VGLL4: variants seen among roughly 807,000 people sequenced by gnomAD.
VGLL4 encodes transcription cofactor vestigial-like protein 4.
In VGLL4, 7 loss-of-function variants were observed where a neutral mutation model predicts 21.0. The ratio of observed to expected loss-of-function variants is 0.33; its 90% confidence interval spans 0.19 to 0.63. The LOEUF is 0.63. VGLL4 is among the 20% of genes least tolerant of loss of function. The pLI, the probability that VGLL4 is intolerant of heterozygous loss-of-function variation, is 0.78. For missense variants in VGLL4, 394 were observed against 425.7 expected (o/e 0.93, Z 0.66); for synonymous variants, 222 against 173.2 (o/e 1.28, Z -2.21).
At chr3:11,663,651 G>A (rs924636660) in intron 2 of VGLL4, among the ~76,000 whole-genome samples, 4 of 152,286 alleles carry the variant, frequency 2.6e-5, no homozygotes, top group Non-Finnish European at 5.9e-5. Context: ...CTGGAACACA[G>A]TGGTTGCAGT....
intron 2 of VGLL4, among the ~76,000 whole-genome samples, chr3:11,671,002 A>C (rs181242090): frequency 6.6e-6 from 1 of 152,152 alleles, no homozygotes; most frequent in Non-Finnish European, 1.5e-5. Flanking sequence ...GTGCCATTGC[A>C]CTCCAGCCTG....
At chr3:11,640,748 A>C (rs1026665912) in intron 1 of VGLL4, among the ~76,000 whole-genome samples, 3 of 152,140 alleles carry the variant, frequency 2.0e-5, no homozygotes, top group Non-Finnish European at 4.4e-5. Context: ...GTCAGTCAGG[A>C]AGGAAGACCT....
At chr3:11,620,239 A>G (rs1167645562) in intron 1 of VGLL4, among the ~76,000 whole-genome samples, 1 of 152,188 alleles carries the variant, frequency 6.6e-6, no homozygotes, top group African/African-American at 2.4e-5. Context: ...AATAGGAAAG[A>G]CTGGATTTAC....
intron 2 of VGLL4, among the ~76,000 whole-genome samples, chr3:11,566,934 G>A (rs934856262): frequency 1.6e-4 from 24 of 152,186 alleles, no homozygotes; most frequent in African/African-American, 5.6e-4. Context: ...AAGAAAGGCA[G>A]GTATCGTGGA....
intron 1 of VGLL4, among the ~76,000 whole-genome samples, chr3:11,704,072 C>A (rs1341853297): frequency 1.3e-5 from 2 of 150,596 alleles, no homozygotes; most frequent in African/African-American, 4.9e-5. Flanking sequence ...GGTGAAACCC[C>A]ATCTCTATTA....
intron 2 of VGLL4, among the ~76,000 whole-genome samples, chr3:11,693,599 G>A (rs1461658194): frequency 6.6e-6 from 1 of 152,172 alleles, no homozygotes; most frequent in African/African-American, 2.4e-5. Flanking sequence ...CTTTTCCCCT[G>A]AATCAGTTCC....
intron 1 of VGLL4, among the ~76,000 whole-genome samples, chr3:11,610,063 G>A (rs544740643): frequency 2.0e-5 from 3 of 152,194 alleles, no homozygotes; most frequent in African/African-American, 4.8e-5. Context: ...TAGCTCGGTC[G>A]GCCAAGCCAG....
chr3:11,605,582 TC>T lies in VGLL4; in HGVS notation c.83-3561del, dbSNP rs577624523. 6.6e-5 allele frequency among the ~76,000 whole-genome samples: 10 copies of T among 152,146 alleles called. No individual in the cohort carries two copies. The South Asian group carries it at 1.2e-3, about 19-fold the overall frequency. On this transcript the variant is annotated intron_variant, in intron 1 of 4. Transcript: ENST00000430365. ...CTGCAAAACCACTTAAAATGCCTCC[TC>T]CATCAGGCTGTCCTCCTTGATTCCT...
At chr3:11,642,507 AAAGAG>A (rs1469779993) in intron 1 of VGLL4, among the ~76,000 whole-genome samples, 2 of 152,212 alleles carry the variant, frequency 1.3e-5, no homozygotes, top group Non-Finnish European at 2.9e-5. Flanking sequence ...GCTGAATGAG[AAAGAG>A]AAGAGTCCCG....
At chr3:11,689,941 C>G (rs1019792686) in intron 2 of VGLL4, among the ~76,000 whole-genome samples, 2 of 152,204 alleles carry the variant, frequency 1.3e-5, no homozygotes, top group Non-Finnish European at 1.5e-5. Flanking sequence ...ATTTCCTTCC[C>G]AGGACCCCTG....
At chr3:11,665,101 CTTT>C (rs59999510) in intron 2 of VGLL4, among the ~76,000 whole-genome samples, 1,124 of 96,590 alleles carry the variant, frequency 0.012, 30 homozygotes, top group African/African-American at 0.049. Context: ...GAATATTTTT[CTTT>C]TTTTTTTTTT....
intron 1 of VGLL4, among the ~76,000 whole-genome samples, chr3:11,640,579 G>A (rs191197041): frequency 4.6e-5 from 7 of 152,140 alleles, no homozygotes; most frequent in Non-Finnish European, 7.4e-5. Context: ...CGATTCTTCC[G>A]GCCCTCTCCC....
In VGLL4 at chr3:11,568,458, A is replaced by G. The variant is rs532874997; in HGVS notation, c.273-3439T>C. On this transcript the variant is annotated intron_variant, in intron 2 of 4. Transcript: ENST00000430365. This position sits in a 1 kb window ranked among gnomAD's most constrained non-coding sequence, Gnocchi z 5.9. The stretch of plus-strand genomic sequence containing the variant: ...CCACCCTACGCAGGGCAGCAGGGAG[A>G]AGGGGACTTCCAGGCCCACTAACTG... 1.4e-3 allele frequency: 1,625 copies of G among 1,142,084 alleles called. 27 individuals carry two copies. The Admixed American group carries it at 0.025, about 18-fold the overall frequency. The allele number at this position is 1,142,084 out of a possible 1,614,324, so 70.7% of individuals were successfully genotyped here. A position where few individuals can be genotyped will look rare whatever the true frequency, so the allele number is the denominator to read the frequency against.
rs73813007 is a variant in VGLL4, at chr3:11,674,682, C to T, written c.64+28289G>A. Among the ~76,000 whole-genome samples the T allele has an allele frequency of 2.9e-3, 443 of 152,150 alleles. 4 individuals are homozygous for T. The highest frequency in any genetic ancestry group is 0.01 in the African/African-American group (419 of 41,494). On this transcript the variant is annotated intron_variant, in intron 2 of 5. Coordinates refer to the VGLL4 transcript ENST00000273038. The stretch of plus-strand genomic sequence containing the variant: ...AAATGTGAAGGAAAGAAAGGAAACA[C>T]GGATTAAAAAGGCAAAGAGGACAGA...
rs147201643 is a variant in VGLL4, at chr3:11,558,885, C to T, written c.620-58G>A. The stretch of plus-strand genomic sequence containing the variant: ...ACAGGTGGCTGCAGACAGACAGGCA[C>T]GGTTGCAGCACCCTCCCTCAGGCAG... On this transcript the variant is annotated intron_variant, in intron 4 of 4. Coordinates refer to ENST00000430365, the MANE Select transcript of VGLL4 (RefSeq NM_001128219.3). The T allele has an allele frequency of 2.7e-4, 428 of 1,579,588 alleles. 1 individual carries two copies. The East Asian group carries it at 8.7e-3, about 32-fold the overall frequency.
chr3:11,713,608 AT>A (rs2076880972), intron 1 of VGLL4, among the ~76,000 whole-genome samples: 1 of 145,922 alleles, frequency 6.9e-6, no homozygotes, highest in South Asian at 2.1e-4. Flanking sequence ...AAAATCCCTA[AT>A]TAGGATTTTT....
intron 1 of VGLL4, among the ~76,000 whole-genome samples, chr3:11,621,163 T>C (rs2075259564): frequency 1.3e-5 from 2 of 152,258 alleles, no homozygotes; most frequent in Non-Finnish European, 2.9e-5. Flanking sequence ...CCAACTTTTA[T>C]AATAGCTTTA....
In VGLL4 at chr3:11,616,364, A is replaced by G. The variant is rs1401601049; in HGVS notation, c.83-14342T>C. The stretch of plus-strand genomic sequence containing the variant: ...ATCCTGCGTTATGGCTCTTAATCCT[A>G]TCGCCTAACGGTGGTACTATTTACA... On this transcript the variant is annotated intron_variant, in intron 1 of 4. Transcript: ENST00000430365. Among the ~76,000 whole-genome samples, 3 of 152,154 alleles carry G rather than the reference A, an allele frequency of 2.0e-5. No homozygotes were observed. In the East Asian group the frequency reaches 5.8e-4, roughly 29 times the overall value.
At chr3:11,712,801 C>A (rs2076866070) in intron 1 of VGLL4, among the ~76,000 whole-genome samples, 2 of 152,170 alleles carry the variant, frequency 1.3e-5, no homozygotes, top group African/African-American at 4.8e-5. Context: ...CCTTGAGATA[C>A]CTATCAGGCA....
Sources: allele counts gnomAD v4.1 joint callset (sites outside exome capture counted in the v4.1 genomes callset), GRCh38; gene constraint gnomAD v4.1.1; non-coding constraint Gnocchi (gnomAD v3.1); transcripts MANE v1.5; gene names NCBI Gene and HGNC (gene_info 2026-07-23, HGNC 2026-07-21).